Variants in KCNH8 observed in about 807,000 individuals in gnomAD.
The protein encoded by KCNH8 is potassium voltage-gated channel subfamily H member 8.
A neutral mutation model predicts 103.6 loss-of-function variants in KCNH8; 70 were observed. That is an observed-to-expected ratio of 0.68 (90% CI 0.56 to 0.82). KCNH8 has a LOEUF of 0.82. Among genes scored for constraint, KCNH8 ranks in the 40% least tolerant of loss-of-function variants. The pLI, the probability that KCNH8 is intolerant of heterozygous loss-of-function variation, is 0.00. For missense variants in KCNH8, 1,217 were observed against 1,329.9 expected (o/e 0.92, Z 1.32); for synonymous variants, 498 against 489.4 (o/e 1.02, Z -0.23).
In KCNH8 at chr3:19,534,220, G is replaced by C. The variant is rs1336927606; in HGVS notation, c.*121G>C. On this transcript the variant is annotated 3_prime_UTR_variant, in exon 16 of 16. Coordinates refer to ENST00000328405, the MANE Select transcript of KCNH8 (RefSeq NM_144633.3). ...AAAGCTGGGAATCCTGCAGAAAAGA[G>C]TGTGAGGAGCCAGGGAAAGGCAGAA... The C allele has an allele frequency of 2.8e-6, 2 of 706,828 alleles. No homozygotes were observed. The highest frequency in any genetic ancestry group is 4.7e-6 in the Non-Finnish European group (2 of 426,002). The allele number at this position is 706,828 out of a possible 1,614,324, so 43.8% of individuals were successfully genotyped here.
At chr3:19,463,370 C>A (rs920695877) in intron 11 of KCNH8, among the ~76,000 whole-genome samples, 1 of 151,890 alleles carries the variant, frequency 6.6e-6, no homozygotes, top group African/African-American at 2.4e-5. Flanking sequence ...TAATAGAGGA[C>A]AAAATGGAAG....
At chr3:19,472,423 G>A (rs2067881850) in intron 11 of KCNH8, among the ~76,000 whole-genome samples, 2 of 152,050 alleles carry the variant, frequency 1.3e-5, no homozygotes. Context: ...GAATCATGTG[G>A]GCAGGTCTTT....
chr3:19,458,415 C>T (rs2067567361), intron 11 of KCNH8, among the ~76,000 whole-genome samples: 1 of 151,810 alleles, frequency 6.6e-6, no homozygotes, highest in Non-Finnish European at 1.5e-5. Context: ...TATTCCTCAG[C>T]ATAGAAAGTG....
At chr3:19,357,131 C>T (rs1263575946) in intron 5 of KCNH8, among the ~76,000 whole-genome samples, 1 of 151,634 alleles carries the variant, frequency 6.6e-6, no homozygotes, top group African/African-American at 2.4e-5. Context: ...CAGTATGTGA[C>T]CAAGTCTATC....
At chr3:19,325,840 A>T (rs1013008607) in intron 3 of KCNH8, among the ~76,000 whole-genome samples, 1 of 152,190 alleles carries the variant, frequency 6.6e-6, no homozygotes, top group Non-Finnish European at 1.5e-5. Flanking sequence ...CTGAGTACAT[A>T]CCCAAAGAAC....
intron 3 of KCNH8, among the ~76,000 whole-genome samples, chr3:19,336,733 T>C (rs550311086): frequency 1.3e-5 from 2 of 152,118 alleles, no homozygotes; most frequent in South Asian, 4.1e-4. Flanking sequence ...AATTTATAAC[T>C]TTATTGTAAT....
intron 1 of KCNH8, among the ~76,000 whole-genome samples, chr3:19,157,777 T>C (rs1264241546): frequency 1.3e-5 from 2 of 151,978 alleles, no homozygotes; most frequent in African/African-American, 4.8e-5. Flanking sequence ...TACTTGTTTA[T>C]ATTCATTGTC....
intron 3 of KCNH8, among the ~76,000 whole-genome samples, chr3:19,285,836 G>A (rs1312462803): frequency 6.6e-6 from 1 of 152,104 alleles, no homozygotes; most frequent in African/African-American, 2.4e-5. Context: ...ATCCAGTTTT[G>A]CGATACAGTA....
chr3:19,296,483 G>A (rs1490104299), intron 3 of KCNH8, among the ~76,000 whole-genome samples: 1 of 152,206 alleles, frequency 6.6e-6, no homozygotes, highest in Non-Finnish European at 1.5e-5. Context: ...TTGTGCTCTA[G>A]TTTTTTCATG....
At chr3:19,374,877 C>T (rs1266700465) in intron 5 of KCNH8, among the ~76,000 whole-genome samples, 4 of 152,036 alleles carry the variant, frequency 2.6e-5, no homozygotes, top group Non-Finnish European at 5.9e-5. Flanking sequence ...CTTAGTTTGG[C>T]TGGATATGAA....
intron 1 of KCNH8, among the ~76,000 whole-genome samples, chr3:19,181,377 A>G (rs1359216390): frequency 1.3e-5 from 2 of 152,162 alleles, no homozygotes; most frequent in Admixed American, 1.3e-4. Context: ...AGGAGGAGGA[A>G]CAAAGATAGA....
chr3:19,450,259 A>G lies in KCNH8; in HGVS notation c.1529A>G (p.Tyr510Cys), dbSNP rs761112198. 7 of 1,613,500 alleles carry G rather than the reference A, an allele frequency of 4.3e-6. No individual in the cohort carries two copies. Among genetic ancestry groups the G allele is most frequent in the Non-Finnish European group, 5.1e-6 (6 of 1,179,736 alleles). ...CAACTCAAGCAGAGGATGCTCGAAT[A>G]TTTTCAAACAACCTGGTCAGTCAAC... is the stretch of plus-strand genomic sequence containing the variant. ...PQQLKQRMLE[Y>C]FQTTWSVNNG... The change falls in exon 9 of 16, where the codon TAT (tyrosine) becomes TGT (cysteine). Residue 510 changes from tyrosine (Y) to cysteine (C), a missense_variant. Physicochemically the swap from Tyr to Cys is radical, Grantham distance 194. This residue lies in a region of KCNH8 where 415 missense variants were observed against 577.4 expected (regional missense o/e 0.72). Transcript: ENST00000328405.
intron 3 of KCNH8, among the ~76,000 whole-genome samples, chr3:19,335,447 ATATATATATG>A (rs1559481396): frequency 9.7e-6 from 1 of 102,748 alleles, no homozygotes; most frequent in African/African-American, 3.7e-5. Context: ...GTGTGTGTGT[ATATATATATG>A]TGTGTGTGTG....
At chr3:19,350,905 G>C (rs183880653) in intron 5 of KCNH8, among the ~76,000 whole-genome samples, 1 of 152,198 alleles carries the variant, frequency 6.6e-6, no homozygotes, top group East Asian at 1.9e-4. Context: ...AGAGAAGACG[G>C]CTTCAGACAA....
chr3:19,215,384 C>T (rs76995145), intron 1 of KCNH8, among the ~76,000 whole-genome samples: 2,984 of 152,200 alleles, frequency 0.02, 92 homozygotes, highest in African/African-American at 0.066. Flanking sequence ...TGCTCAGAGA[C>T]CTGGGAGAAC....
chr3:19,269,119 A>G (rs770243315), intron 2 of KCNH8, among the ~76,000 whole-genome samples: 1 of 152,114 alleles, frequency 6.6e-6, no homozygotes, highest in Non-Finnish European at 1.5e-5. Context: ...GTACTAATCC[A>G]CAGAGCACTG....
At chr3:19,171,051 C>G (rs2063344104) in intron 1 of KCNH8, among the ~76,000 whole-genome samples, 1 of 151,876 alleles carries the variant, frequency 6.6e-6, no homozygotes, top group South Asian at 2.1e-4. Flanking sequence ...CACCCGCCTT[C>G]GGCCTCCAAA....
chr3:19,327,695 G>A (rs1345813101), intron 3 of KCNH8, among the ~76,000 whole-genome samples: 1 of 152,092 alleles, frequency 6.6e-6, no homozygotes, highest in Non-Finnish European at 1.5e-5. Context: ...TTTCAGTGAT[G>A]TCACTGGTTT....
At chr3:19,353,436 A>G (rs954689602) in intron 5 of KCNH8, among the ~76,000 whole-genome samples, 7 of 152,022 alleles carry the variant, frequency 4.6e-5, no homozygotes, top group Non-Finnish European at 1.0e-4. Context: ...ACAAAAAAAG[A>G]GAATTTTAGA....
Sources: gnomAD v4.1 joint callset for allele counts (sites outside exome capture counted in the v4.1 genomes callset) on GRCh38, gnomAD v4.1.1 for gene constraint, gnomAD v4.1.1 regional missense constraint, MANE v1.5 for transcripts, NCBI Gene and HGNC (gene_info 2026-07-23, HGNC 2026-07-21) for gene names.